Variants in C1QTNF1 observed in about 807,000 individuals in gnomAD.
The protein encoded by C1QTNF1 is complement C1q tumor necrosis factor-related protein 1.
Under a neutral mutation model 27.8 loss-of-function variants are expected in C1QTNF1, and 22 were observed. The observed-to-expected ratio is 0.79, with a 90% CI of 0.56 to 1.13. The LOEUF (loss-of-function observed/expected upper bound fraction) is 1.13, where lower values mean the gene tolerates loss of function less well. Ranked by LOEUF, C1QTNF1 falls within the 50% of genes most tolerant of loss-of-function variation. C1QTNF1 has a pLI of 0.00. For synonymous variants in C1QTNF1, 166 were observed against 154.3 expected, an observed-to-expected ratio of 1.08 and a Z score of -0.56; for missense variants, 373 against 380.2, an observed-to-expected ratio of 0.98 and a Z score of 0.16.
intron 1 of C1QTNF1, among the ~76,000 whole-genome samples, chr17:79,026,352 C>T (rs1358260578): frequency 6.6e-6 from 1 of 152,130 alleles, no homozygotes; most frequent in Non-Finnish European, 1.5e-5. Context: ...CTGGGTTTCA[C>T]CCTGTTGGTC....
At chr17:79,025,135 TG>T (rs1443404938) in intron 1 of C1QTNF1, 1 of 152,222 alleles carries the variant, frequency 6.6e-6, no homozygotes, top group Non-Finnish European at 1.5e-5. Flanking sequence ...CCGCTGGGAG[TG>T]GCCCCCCCGG....
intron 1 of C1QTNF1, among the ~76,000 whole-genome samples, chr17:79,029,344 TA>T (rs1181601442): frequency 2.0e-5 from 3 of 152,310 alleles, no homozygotes; most frequent in Non-Finnish European, 4.4e-5. Context: ...CACCTAGGTC[TA>T]ATCTGAGCTC....
intron 1 of C1QTNF1, among the ~76,000 whole-genome samples, chr17:79,037,029 T>TC (rs2072279045): frequency 6.6e-6 from 1 of 152,222 alleles, no homozygotes; most frequent in South Asian, 2.1e-4. Flanking sequence ...GCTTCAGAGG[T>TC]CCGCTGTCAG....
intron 1 of C1QTNF1, among the ~76,000 whole-genome samples, chr17:79,037,402 T>C (rs2072289280): frequency 6.6e-6 from 1 of 151,830 alleles, no homozygotes. Context: ...GTGCTGGGAT[T>C]ACAGGTGTGA....
intron 1 of C1QTNF1, chr17:79,043,663 T>C (rs1161811664): frequency 3.7e-6 from 2 of 533,574 alleles, no homozygotes; most frequent in South Asian, 1.5e-5. Context: ...TGTGTGTGCA[T>C]GTGTGGATTG....
chr17:79,047,477 C>A (rs2072616200), intron 3 of C1QTNF1, 61 bp from the exon 4 acceptor site: 1 of 1,474,242 alleles, frequency 6.8e-7, no homozygotes, highest in Non-Finnish European at 9.1e-7. Context: ...AGTGAGCAGC[C>A]AAGGCTCAGG....
At chr17:79,031,505 T>C (rs2072139185) in intron 1 of C1QTNF1, among the ~76,000 whole-genome samples, 1 of 152,112 alleles carries the variant, frequency 6.6e-6, no homozygotes, top group African/African-American at 2.4e-5. Flanking sequence ...TGGAGTGCAG[T>C]GGTGCTATTT....
chr17:79,026,401 G>A (rs112794530), intron 1 of C1QTNF1, among the ~76,000 whole-genome samples: 2,618 of 152,234 alleles, frequency 0.017, 73 homozygotes, highest in African/African-American at 0.057. Flanking sequence ...TGATCCACCC[G>A]CTTCAACCTT....
intron 1 of C1QTNF1, among the ~76,000 whole-genome samples, chr17:79,042,198 C>T (rs1443558176): frequency 1.3e-5 from 2 of 152,208 alleles, no homozygotes; most frequent in Non-Finnish European, 2.9e-5. Context: ...GTCGCTGTGC[C>T]CCTCGGTGGG....
chr17:79,047,631 A>C lies in C1QTNF1; in HGVS notation c.389A>C (p.Gln130Pro), dbSNP rs1030059032. Residue 130 changes from glutamine (Q) to proline (P), a missense_variant, in exon 4 of 4, where the codon CAG (glutamine) becomes CCG (proline). Physicochemically the swap from Gln to Pro is moderately conservative, Grantham distance 76. Transcript: ENST00000579760. Reference sequence around the variant, plus strand: ...AGGGGCCACACTGGACCCAAAGGGCAGAAGGGCTCCATGGGGGCCCCTGGG... The same window carrying C: ...AGGGGCCACACTGGACCCAAAGGGCCGAAGGGCTCCATGGGGGCCCCTGGG... ...GARGHTGPKG[Q>P]KGSMGAPGER... 2 of 1,602,472 alleles carry C rather than the reference A, an allele frequency of 1.2e-6. No homozygotes were observed.
At position 79,048,211 on chromosome 17, in the gene C1QTNF1, C is replaced by T; in HGVS notation, c.*123C>T. 1 of 985,924 alleles carries T rather than the reference C, an allele frequency of 1.0e-6. No individual in the cohort carries two copies. Among genetic ancestry groups the T allele is most frequent in the South Asian group, 1.8e-5 (1 of 55,696 alleles). The allele number at this position is 985,924 out of a possible 1,614,324, so 61.1% of individuals were successfully genotyped here. On this transcript the variant is annotated 3_prime_UTR_variant, in exon 4 of 4. Coordinates refer to ENST00000579760, the MANE Select transcript of C1QTNF1 (RefSeq NM_030968.5). The stretch of plus-strand genomic sequence containing the variant: ...TTGGCATTCAGTGAGACGCCCTGCA[C>T]ACACAGAAAGCCAAAGCGATCGGTG...
chr17:79,033,011 C>G (rs566719622), intron 1 of C1QTNF1, among the ~76,000 whole-genome samples: 1 of 147,754 alleles, frequency 6.8e-6, no homozygotes, highest in East Asian at 2.0e-4. Flanking sequence ...GAGGTTGCAG[C>G]GAGCCAAGAT....
intron 1 of C1QTNF1, among the ~76,000 whole-genome samples, chr17:79,029,165 A>G (rs1033033914): frequency 2.0e-5 from 3 of 152,202 alleles, no homozygotes; most frequent in Admixed American, 1.3e-4. Flanking sequence ...AGGCTGCTGC[A>G]GCGGTTCCAC....
chr17:79,043,198 TG>T, intron 1 of C1QTNF1: 1 of 451,616 alleles, frequency 2.2e-6, no homozygotes, highest in Admixed American at 2.4e-5. Context: ...AAAGTGTGCA[TG>T]TGTGTGGATT....
At chr17:79,028,146 A>G (rs1401763576) in intron 1 of C1QTNF1, among the ~76,000 whole-genome samples, 2 of 152,134 alleles carry the variant, frequency 1.3e-5, no homozygotes, top group Admixed American at 6.5e-5. Context: ...GGGAGGCAGG[A>G]GTCGAGGGGA....
intron 2 of C1QTNF1, 120 bp downstream of exon 2, chr17:79,044,243 G>A (rs2072507376): frequency 2.5e-6 from 3 of 1,188,450 alleles, no homozygotes; most frequent in Admixed American, 2.9e-5. Context: ...AGCTGAAGCT[G>A]AGCCGTGGCC....
chr17:79,048,250 C>A lies in C1QTNF1; in HGVS notation c.*162C>A. The stretch of plus-strand genomic sequence containing the variant: ...AAGCGATCGGTGCTCCCAGATCCCG[C>A]AGCCTCTGGAGAGAGCTGACGGCAG... On this transcript the variant is annotated 3_prime_UTR_variant, in exon 4 of 4. Transcript: ENST00000579760. 1.4e-6 allele frequency: 1 copy of A among 737,522 alleles called. No individual in the cohort carries two copies. Among genetic ancestry groups the A allele is most frequent in the Non-Finnish European group, 2.1e-6 (1 of 476,408 alleles). 45.7% of individuals were successfully genotyped at this position (737,522 alleles called of 1,614,324 possible). A position where few individuals can be genotyped will look rare whatever the true frequency, so the allele number is the denominator to read the frequency against.
intron 1 of C1QTNF1, among the ~76,000 whole-genome samples, chr17:79,029,926 C>A (rs1057166226): frequency 2.0e-5 from 3 of 152,210 alleles, no homozygotes; most frequent in Admixed American, 2.0e-4. Flanking sequence ...CAGCTCCCTG[C>A]TGGGTAGGTA....
At chr17:79,028,584 C>T (rs2072039382) in intron 1 of C1QTNF1, among the ~76,000 whole-genome samples, 1 of 152,210 alleles carries the variant, frequency 6.6e-6, no homozygotes, top group Non-Finnish European at 1.5e-5. Context: ...CGTCCTCTGG[C>T]ATTCAGGGGA....
Sources: allele counts gnomAD v4.1 joint callset (sites outside exome capture counted in the v4.1 genomes callset), GRCh38; gene constraint gnomAD v4.1.1; transcripts MANE v1.5; gene names NCBI Gene and HGNC (gene_info 2026-07-23, HGNC 2026-07-21).